ERC2: variants seen among roughly 807,000 people sequenced by gnomAD.
ERC2 encodes ELKS/RAB6-interacting/CAST family member 2, also known as ERC protein 2.
ERC2 carries 42 observed loss-of-function variants against 114.8 expected under a neutral mutation model. The observed-to-expected ratio is 0.37, with a 90% confidence interval of 0.29 to 0.47. The LOEUF is 0.47. Ranked by LOEUF, ERC2 falls within the 20% of genes least tolerant of loss-of-function variation. ERC2 has a pLI of 0.99. For missense variants in ERC2, 939 were observed against 1,150.7 expected (o/e 0.82, Z 2.66); for synonymous variants, 454 against 425.5 (o/e 1.07, Z -0.82).
At chr3:55,608,991 T>G (rs1480548400) in intron 17 of ERC2, among the ~76,000 whole-genome samples, 1 of 152,234 alleles carries the variant, frequency 6.6e-6, no homozygotes, top group Non-Finnish European at 1.5e-5. Context: ...TGCACAATCC[T>G]TCCCATATCC....
At chr3:56,090,739 A>G (rs539234837) in intron 6 of ERC2, among the ~76,000 whole-genome samples, 1 of 152,030 alleles carries the variant, frequency 6.6e-6, no homozygotes, top group African/African-American at 2.4e-5. Context: ...GCATCACCCA[A>G]ATAGTGAACA....
intron 13 of ERC2, among the ~76,000 whole-genome samples, chr3:55,929,352 C>T (rs148336734): frequency 5.3e-5 from 8 of 152,332 alleles, no homozygotes; most frequent in Non-Finnish European, 8.8e-5. Flanking sequence ...GAGCCAGCCA[C>T]ACCCCTCACA....
At chr3:55,676,755 C>A (rs1174921285) in intron 17 of ERC2, among the ~76,000 whole-genome samples, 1 of 152,134 alleles carries the variant, frequency 6.6e-6, no homozygotes, top group East Asian at 1.9e-4. Flanking sequence ...ACAGCATACT[C>A]TAAAGCAAAT....
chr3:56,231,397 G>C (rs76807142), intron 3 of ERC2, among the ~76,000 whole-genome samples: 4,433 of 152,178 alleles, frequency 0.029, 226 homozygotes, highest in African/African-American at 0.1. Context: ...CTTCTCTCAG[G>C]AATGCCCTTC....
chr3:55,966,538 C>T (rs1275366471), intron 12 of ERC2, among the ~76,000 whole-genome samples: 1 of 152,110 alleles, frequency 6.6e-6, no homozygotes, highest in East Asian at 1.9e-4. Flanking sequence ...TCATTTAATC[C>T]TCACGACAAT....
chr3:55,677,335 C>A (rs2061858254), intron 17 of ERC2, among the ~76,000 whole-genome samples: 1 of 151,900 alleles, frequency 6.6e-6, no homozygotes, highest in South Asian at 2.1e-4. Context: ...TTAAGTAAGG[C>A]CTGCTATGTA....
rs74668245 is a variant in ERC2 at position 56,031,191 on chromosome 3, C to T, written c.1642-12160G>A. ...TAATGACCACAGCCTCCAGCCTGTC[C>T]CCCATGGATACAAGCTTTTGGTCTG... On this transcript the variant is annotated intron_variant, in intron 7 of 17. Transcript: ENST00000288221. Among the ~76,000 whole-genome samples, 489 of 152,324 alleles carry T rather than the reference C, an allele frequency of 3.2e-3. 2 individuals are homozygous for T. Among genetic ancestry groups the T allele is most frequent in the Non-Finnish European group, 4.2e-3 (289 of 68,022 alleles).
At chr3:56,143,919 AT>A (rs2081004817) in intron 5 of ERC2, among the ~76,000 whole-genome samples, 1 of 152,256 alleles carries the variant, frequency 6.6e-6, no homozygotes, top group South Asian at 2.1e-4. Context: ...TGAGACTCCC[AT>A]GTTCAGAAGG....
chr3:55,894,765 T>C (rs924572658), intron 13 of ERC2, among the ~76,000 whole-genome samples: 2 of 152,208 alleles, frequency 1.3e-5, no homozygotes, highest in Admixed American at 1.3e-4. Flanking sequence ...AAGTACCTCT[T>C]GTGAAGTGGA....
intron 13 of ERC2, among the ~76,000 whole-genome samples, chr3:55,943,448 CT>C (rs1306897955): frequency 2.1e-4 from 32 of 150,672 alleles, no homozygotes; most frequent in Admixed American, 6.7e-5. Context: ...AGTCTTTTGC[CT>C]GAGGAAGCGT....
chr3:56,213,970 A>G (rs564468335), intron 3 of ERC2, among the ~76,000 whole-genome samples: 2 of 152,316 alleles, frequency 1.3e-5, no homozygotes, highest in African/African-American at 4.8e-5. Flanking sequence ...AAACTAACAA[A>G]CAGAAAGGAC....
intron 6 of ERC2, among the ~76,000 whole-genome samples, chr3:56,082,265 G>A (rs1349379755): frequency 6.6e-6 from 1 of 151,994 alleles, no homozygotes; most frequent in African/African-American, 2.4e-5. Flanking sequence ...CTCATGAATG[G>A]GACTAATTGC....
intron 13 of ERC2, among the ~76,000 whole-genome samples, chr3:55,948,201 A>G (rs943263008): frequency 2.0e-5 from 3 of 152,202 alleles, no homozygotes; most frequent in African/African-American, 7.2e-5. Flanking sequence ...TGTTGTAGGC[A>G]ATACTCTACA....
intron 3 of ERC2, among the ~76,000 whole-genome samples, chr3:56,293,771 T>G (rs2055245790): frequency 6.6e-6 from 1 of 152,220 alleles, no homozygotes; most frequent in Non-Finnish European, 1.5e-5. Flanking sequence ...GATCTAAACA[T>G]GATCTATATC....
intron 10 of ERC2, among the ~76,000 whole-genome samples, chr3:55,997,874 A>G (rs1355060709): frequency 7.7e-5 from 9 of 116,368 alleles, no homozygotes; most frequent in Non-Finnish European, 1.4e-4. Context: ...TATACATCTT[A>G]ATTCTGTTTT....
intron 6 of ERC2, among the ~76,000 whole-genome samples, chr3:56,085,135 C>G (rs377577601): frequency 1.1e-4 from 16 of 152,156 alleles, no homozygotes; most frequent in African/African-American, 3.6e-4. Context: ...TGGTAGAATG[C>G]GTCAGGGAAG....
intron 3 of ERC2, among the ~76,000 whole-genome samples, chr3:56,254,458 G>A (rs1181879500): frequency 6.6e-6 from 1 of 152,106 alleles, no homozygotes; most frequent in Admixed American, 6.5e-5. Context: ...TAGCACATTA[G>A]GGACAGCAGA....
intron 1 of ERC2, among the ~76,000 whole-genome samples, chr3:56,464,150 T>C (rs949190904): frequency 1.3e-5 from 2 of 152,240 alleles, no homozygotes; most frequent in Non-Finnish European, 2.9e-5. Context: ...CTAACCATAA[T>C]TTTTACATGC....
Position 55,695,819 on chromosome 3 carries a change from A to G in ERC2, c.2847+3559T>C, listed in dbSNP as rs150091471. 2.3e-3 allele frequency among the ~76,000 whole-genome samples: 357 copies of G among 152,342 alleles called. 2 individuals carry two copies. The highest frequency in any genetic ancestry group is 8.2e-3 in the African/African-American group (340 of 41,574). On this transcript the variant is annotated intron_variant, in intron 16 of 17. Transcript: ENST00000288221. ...CTGAGAACAATATTTCTTACAGCAC[A>G]GATGTTACTTGAAAGAAAAAAGAAA...
Sources: allele counts gnomAD v4.1 joint callset (sites outside exome capture counted in the v4.1 genomes callset), GRCh38; gene constraint gnomAD v4.1.1; transcripts MANE v1.5; gene names NCBI Gene and HGNC (gene_info 2026-07-23, HGNC 2026-07-21).